Variants in ZNF536 observed in about 807,000 individuals in gnomAD.
ZNF536 encodes the protein zinc finger protein 536.
A neutral mutation model predicts 84.5 loss-of-function variants in ZNF536; 13 were observed. That is an observed-to-expected ratio of 0.15 (90% confidence interval 0.10 to 0.24). The LOEUF is 0.24. Ranked by LOEUF, ZNF536 falls within the 10% of genes least tolerant of loss-of-function variation. The pLI, the probability that ZNF536 is intolerant of heterozygous loss-of-function variation, is 1.00. For missense variants in ZNF536, 1,536 were observed against 1,747.5 expected (o/e 0.88, Z 2.16); for synonymous variants, 811 against 742.5 (o/e 1.09, Z -1.50).
chr19:30,385,816 C>T (rs4805559), intron 1 of ZNF536, among the ~76,000 whole-genome samples: 148,608 of 152,268 alleles, frequency 0.98, 72,659 homozygotes, highest in Non-Finnish European at 0.99. Flanking sequence ...CATGTGCGCA[C>T]TGCCTGGAGG....
intron 2 of ZNF536, among the ~76,000 whole-genome samples, chr19:30,446,309 G>A (rs540789740): frequency 2.0e-5 from 3 of 148,830 alleles, no homozygotes; most frequent in Non-Finnish European, 4.5e-5. Context: ...AAAGTTGTGC[G>A]GGAGATGGCC....
At chr19:30,461,260 A>C (rs1214747321) in intron 2 of ZNF536, among the ~76,000 whole-genome samples, 1 of 151,962 alleles carries the variant, frequency 6.6e-6, no homozygotes, top group African/African-American at 2.4e-5. Context: ...ATTTGAACCC[A>C]CCTCTGTGTG....
At chr19:30,464,359 G>T (rs538117043) in intron 2 of ZNF536, among the ~76,000 whole-genome samples, 1 of 152,180 alleles carries the variant, frequency 6.6e-6, no homozygotes, top group African/African-American at 2.4e-5. Context: ...ACCAGACGGC[G>T]CTGGGCCCTC....
At chr19:30,515,399 A>G (rs1399941961) in intron 2 of ZNF536, among the ~76,000 whole-genome samples, 2 of 152,226 alleles carry the variant, frequency 1.3e-5, no homozygotes, top group African/African-American at 4.8e-5. Context: ...GTTTATGATA[A>G]GAGTTCAGAT....
chr19:30,564,058 G>T (rs2146460557), intron 1 of ZNF536, among the ~76,000 whole-genome samples: 1 of 152,300 alleles, frequency 6.6e-6, no homozygotes, highest in Non-Finnish European at 1.5e-5. Flanking sequence ...GAAAACAAGA[G>T]GGGGTGAATG....
intron 1 of ZNF536, among the ~76,000 whole-genome samples, chr19:30,252,936 T>C (rs2024698245): frequency 6.6e-6 from 1 of 152,240 alleles, no homozygotes; most frequent in South Asian, 2.1e-4. Context: ...ACTCCATTTA[T>C]TTTGTAGGGC....
chr19:30,513,030 TA>T (rs1413981825), intron 2 of ZNF536, among the ~76,000 whole-genome samples: 1 of 150,898 alleles, frequency 6.6e-6, no homozygotes, highest in Non-Finnish European at 1.5e-5. Context: ...CATCATATTT[TA>T]TTTTTTTTTC....
chr19:30,621,300 C>T (rs1476425605), intron 1 of ZNF536, among the ~76,000 whole-genome samples: 3 of 152,066 alleles, frequency 2.0e-5, no homozygotes, highest in Non-Finnish European at 4.4e-5. Context: ...TAGATCATTA[C>T]AGATGCTTCG....
chr19:30,429,752 G>A (rs1369121813), intron 1 of ZNF536, among the ~76,000 whole-genome samples: 1 of 152,180 alleles, frequency 6.6e-6, no homozygotes, highest in Non-Finnish European at 1.5e-5. Flanking sequence ...TGGAGAGTCA[G>A]AAGGGCTTAC....
At chr19:30,339,039 T>G (rs2047479903) in intron 2 of ZNF536, among the ~76,000 whole-genome samples, 3 of 152,152 alleles carry the variant, frequency 2.0e-5, no homozygotes, top group Non-Finnish European at 4.4e-5. Flanking sequence ...GGCTGTAAAG[T>G]TCCGTAGCTA....
intron 1 of ZNF536, among the ~76,000 whole-genome samples, chr19:30,596,985 A>G (rs890883310): frequency 3.9e-5 from 6 of 152,202 alleles, no homozygotes; most frequent in Non-Finnish European, 8.8e-5. Flanking sequence ...TGCAATGCTA[A>G]TAGCGAATTC....
In ZNF536 at chr19:30,502,118, G is replaced by A. The variant is rs112436727; in HGVS notation, c.2171-32729G>A. ...GACATACCCATATCTTTGCCTGAAC[G>A]ACCCATCTGGTCAAATGCCAGGGAA... On this transcript the variant is annotated intron_variant, in intron 2 of 4. Transcript: ENST00000355537. 2.2e-3 allele frequency among the ~76,000 whole-genome samples: 332 copies of A among 152,302 alleles called. 2 individuals carry two copies. Among genetic ancestry groups the A allele is most frequent in the African/African-American group, 7.4e-3 (307 of 41,552 alleles).
intron 2 of ZNF536, among the ~76,000 whole-genome samples, chr19:30,526,089 T>A (rs369148630): frequency 6.6e-6 from 1 of 152,144 alleles, no homozygotes; most frequent in African/African-American, 2.4e-5. Flanking sequence ...GCGACACGAA[T>A]GGTCTCTGGG....
chr19:30,258,956 G>C (rs1470638807), intron 1 of ZNF536, among the ~76,000 whole-genome samples: 4 of 152,084 alleles, frequency 2.6e-5, no homozygotes, highest in African/African-American at 9.7e-5. Context: ...TACCTCAAGT[G>C]ATCTGCCTGC....
Position 30,516,026 on chromosome 19 carries a change from C to CAAAAA in ZNF536, c.2171-18809_2171-18805dup, listed in dbSNP as rs553504551. 2.6e-5 allele frequency among the ~76,000 whole-genome samples: 2 copies of CAAAAA among 75,626 alleles called. 1 individual carries two copies. Among genetic ancestry groups the CAAAAA allele is most frequent in the Non-Finnish European group, 5.4e-5 (2 of 37,076 alleles). The allele number at this position is 75,626 out of a possible 152,430, so 49.6% of individuals were successfully genotyped here. On this transcript the variant is annotated intron_variant, in intron 2 of 4. Transcript: ENST00000355537. ...TGGGTGACAGAGTGAGACTCCATCT[C>CAAAAA]AAAAAAAAAAAAAAAAGAAAAAAAA...
At chr19:30,572,068 A>G (rs1220367675) in intron 1 of ZNF536, among the ~76,000 whole-genome samples, 1 of 152,156 alleles carries the variant, frequency 6.6e-6, no homozygotes, top group African/African-American at 2.4e-5. Flanking sequence ...GCCACTTGGA[A>G]ACATGGGTAA....
At chr19:30,471,449 C>T (rs1231915615) in intron 2 of ZNF536, among the ~76,000 whole-genome samples, 1 of 152,174 alleles carries the variant, frequency 6.6e-6, no homozygotes, top group Non-Finnish European at 1.5e-5. Flanking sequence ...ATTCAGGGTG[C>T]TTTTAGGCAG....
intron 1 of ZNF536, among the ~76,000 whole-genome samples, chr19:30,621,651 T>C (rs745854574): frequency 1.3e-5 from 2 of 152,226 alleles, no homozygotes; most frequent in African/African-American, 2.4e-5. Context: ...GTTTTAAACC[T>C]GAGAACATGT....
intron 1 of ZNF536, among the ~76,000 whole-genome samples, chr19:30,640,345 G>A (rs781032019): frequency 2.0e-5 from 3 of 152,126 alleles, no homozygotes; most frequent in Non-Finnish European, 4.4e-5. Flanking sequence ...CAGTTGATTT[G>A]TTACAGGCTC....
Sources: gnomAD v4.1 joint callset for allele counts (sites outside exome capture counted in the v4.1 genomes callset) on GRCh38, gnomAD v4.1.1 for gene constraint, MANE v1.5 for transcripts, NCBI Gene and HGNC (gene_info 2026-07-23, HGNC 2026-07-21) for gene names.